Variants in RTN4RL2 observed in about 807,000 individuals in gnomAD.
RTN4RL2 encodes the protein reticulon 4 receptor like 2.
A neutral mutation model predicts 27.8 loss-of-function variants in RTN4RL2; 9 were observed. The observed-to-expected ratio is 0.32, with a 90% confidence interval of 0.20 to 0.57. The LOEUF is 0.57. RTN4RL2 is among the 20% of genes least tolerant of loss of function. The pLI, the probability that RTN4RL2 is intolerant of heterozygous loss-of-function variation, is 0.90. For missense variants in RTN4RL2, 436 were observed against 596.8 expected (o/e 0.73, Z 2.81); for synonymous variants, 285 against 297.9 (o/e 0.96, Z 0.45).
chr11:57,471,811 G>C (rs1417191089), intron 2 of RTN4RL2, among the ~76,000 whole-genome samples: 1 of 152,194 alleles, frequency 6.6e-6, no homozygotes, highest in Non-Finnish European at 1.5e-5. Context: ...TGTTCTCCCA[G>C]AGCATATTCC....
intron 1 of RTN4RL2, among the ~76,000 whole-genome samples, chr11:57,463,463 G>T (rs1038195829): frequency 9.2e-5 from 14 of 152,168 alleles, no homozygotes; most frequent in Non-Finnish European, 1.9e-4. Flanking sequence ...TTCTGAGAAA[G>T]ACAATGAAGG....
Position 57,474,907 on chromosome 11 carries a change from C to A in RTN4RL2, c.514-1255C>A, listed in dbSNP as rs938816296. Among the ~76,000 whole-genome samples the A allele has an allele frequency of 2.0e-5, 3 of 152,188 alleles. No individual in the cohort carries two copies. The South Asian group carries it at 6.2e-4, about 31-fold the overall frequency. ...GATTAGGTGACTCCCTAGCACCAGG[C>A]AGGTGGGACAGCGCCTCTAAGGGGA... On this transcript the variant is annotated intron_variant, in intron 2 of 2. Transcript: ENST00000335099.
intron 2 of RTN4RL2, among the ~76,000 whole-genome samples, chr11:57,471,478 T>A (rs926851950): frequency 6.6e-6 from 1 of 152,178 alleles, no homozygotes; most frequent in African/African-American, 2.4e-5. Context: ...ACACCTGGCC[T>A]TTTATAGAGG....
chr11:57,465,662 C>T (rs1489576656), intron 1 of RTN4RL2, among the ~76,000 whole-genome samples: 2 of 152,084 alleles, frequency 1.3e-5, no homozygotes, highest in South Asian at 2.1e-4. Context: ...AAGCTAGTTC[C>T]GGCCTAGAAC....
rs917809905 is a variant in RTN4RL2, at chr11:57,460,616, G to A, written c.-250G>A. 3.0e-4 allele frequency: 56 copies of A among 188,980 alleles called. No homozygotes were observed. The highest frequency in any genetic ancestry group is 1.3e-3 in the African/African-American group (56 of 42,406). The allele number at this position is 188,980 out of a possible 1,614,324, so 11.7% of individuals were successfully genotyped here. ...GCGCAGCTAGCGGGGCGCGGGCGCTGGGCGTCGACGGCCAGCCCCAGCCTT... is the reference window on the plus strand; with the variant it reads ...GCGCAGCTAGCGGGGCGCGGGCGCTAGGCGTCGACGGCCAGCCCCAGCCTT... On this transcript the variant is annotated 5_prime_UTR_variant, in exon 1 of 3. Transcript: ENST00000335099.
At chr11:57,474,275 A>G (rs538156769) in intron 2 of RTN4RL2, among the ~76,000 whole-genome samples, 2 of 152,234 alleles carry the variant, frequency 1.3e-5, no homozygotes, top group South Asian at 4.2e-4. Context: ...AATGTGGCCA[A>G]GAGGAGGGCT....
intron 1 of RTN4RL2, among the ~76,000 whole-genome samples, chr11:57,462,279 G>A (rs954842911): frequency 2.0e-5 from 3 of 152,054 alleles, no homozygotes; most frequent in Admixed American, 6.6e-5. Context: ...CGTCACCCGC[G>A]TCAGTGCCTC....
chr11:57,461,960 G>C (rs979243799), intron 1 of RTN4RL2, among the ~76,000 whole-genome samples: 1 of 152,002 alleles, frequency 6.6e-6, no homozygotes, highest in Non-Finnish European at 1.5e-5. Flanking sequence ...CCACTTCCAC[G>C]TGGGAAGCCC....
chr11:57,462,347 C>T (rs941553503), intron 1 of RTN4RL2, among the ~76,000 whole-genome samples: 2 of 152,170 alleles, frequency 1.3e-5, no homozygotes, highest in Admixed American at 1.3e-4. Context: ...TCAGCTCCCA[C>T]CTCCTCAGCC....
At chr11:57,468,397 C>T (rs1175665507) in intron 2 of RTN4RL2, among the ~76,000 whole-genome samples, 1 of 152,166 alleles carries the variant, frequency 6.6e-6, no homozygotes, top group Non-Finnish European at 1.5e-5. Flanking sequence ...CCATCCATCA[C>T]TGCCTCTCTC....
Position 57,467,503 on chromosome 11 carries a change from C to T in RTN4RL2, c.32-106C>T, listed in dbSNP as rs1943534733. 4.2e-5 allele frequency: 63 copies of T among 1,508,886 alleles called. No individual in the cohort carries two copies. The highest frequency in any genetic ancestry group is 5.5e-5 in the Non-Finnish European group (63 of 1,136,172). 93.5% of individuals were successfully genotyped at this position (1,508,886 alleles called of 1,614,324 possible). On this transcript the variant is annotated intron_variant, in intron 1 of 2. Coordinates refer to ENST00000335099, the MANE Select transcript of RTN4RL2 (RefSeq NM_178570.3). This position sits in a 1 kb window ranked among gnomAD's most constrained non-coding sequence, Gnocchi z 5.5. ...TGCTGGGATTACAGGTGTGAGCCAC[C>T]ATATTCAGCCGGGTCTAGGCCTTTT...
chr11:57,468,438 C>A, intron 2 of RTN4RL2: 1 of 863,916 alleles, frequency 1.2e-6, no homozygotes, highest in Non-Finnish European at 1.8e-6. Context: ...TGTCTTCTGC[C>A]TCTTCTGTCT....
At chr11:57,464,624 G>T (rs1943508455) in intron 1 of RTN4RL2, among the ~76,000 whole-genome samples, 1 of 152,190 alleles carries the variant, frequency 6.6e-6, no homozygotes, top group Non-Finnish European at 1.5e-5. Flanking sequence ...GTGTGACCTT[G>T]GGTAAGTCGC....
intron 1 of RTN4RL2, 38 bp downstream of exon 1, chr11:57,460,934 G>A (rs1185081541): frequency 7.5e-7 from 1 of 1,329,896 alleles, no homozygotes; most frequent in Non-Finnish European, 9.8e-7. Flanking sequence ...AGGGCATCCT[G>A]GGGAGAGAAG....
intron 1 of RTN4RL2, among the ~76,000 whole-genome samples, chr11:57,461,534 C>A (rs1943485526): frequency 7.1e-6 from 1 of 140,924 alleles, no homozygotes; most frequent in African/African-American, 2.7e-5. Flanking sequence ...GGAGATGGAG[C>A]GGGGGAGGGG....
chr11:57,460,781 G>A lies in RTN4RL2; in HGVS notation c.-85G>A, dbSNP rs1337786680. On this transcript the variant is annotated 5_prime_UTR_variant, in exon 1 of 3. Coordinates refer to ENST00000335099, the MANE Select transcript of RTN4RL2 (RefSeq NM_178570.3). ...CCCGGGCCCTCCCGGAGCCCCGCGG[G>A]GTCCCCGCCGTGCATCCGGCGGGCT... is the stretch of plus-strand genomic sequence containing the variant. 1.4e-6 allele frequency: 1 copy of A among 706,056 alleles called. No individual in the cohort carries two copies. Among genetic ancestry groups the A allele is most frequent in the Non-Finnish European group, 2.2e-6 (1 of 463,080 alleles). The allele number at this position is 706,056 out of a possible 1,614,324, so 43.7% of individuals were successfully genotyped here. A position where few individuals can be genotyped will look rare whatever the true frequency, so the allele number is the denominator to read the frequency against.
At chr11:57,469,604 A>T (rs768565683) in intron 2 of RTN4RL2, among the ~76,000 whole-genome samples, 3 of 152,210 alleles carry the variant, frequency 2.0e-5, no homozygotes, top group Non-Finnish European at 4.4e-5. Flanking sequence ...TGCTATATAA[A>T]TGCTTGTTAA....
At position 57,460,704 on chromosome 11, in the gene RTN4RL2, C is replaced by T; in HGVS notation, c.-162C>T. On this transcript the variant is annotated 5_prime_UTR_variant, in exon 1 of 3. Coordinates refer to ENST00000335099, the MANE Select transcript of RTN4RL2 (RefSeq NM_178570.3). ...CGATGGCTCCTCCCGAGGCCCGCAGCCCGGGCGGCGCAGGGTAGAGCGCCG... is the reference window on the plus strand; with the variant it reads ...CGATGGCTCCTCCCGAGGCCCGCAGTCCGGGCGGCGCAGGGTAGAGCGCCG... The T allele has an allele frequency of 3.0e-6, 1 of 332,388 alleles. No homozygotes were observed. The allele number at this position is 332,388 out of a possible 1,614,324, so 20.6% of individuals were successfully genotyped here.
At chr11:57,465,642 T>G (rs888445986) in intron 1 of RTN4RL2, among the ~76,000 whole-genome samples, 1 of 151,776 alleles carries the variant, frequency 6.6e-6, no homozygotes, top group Non-Finnish European at 1.5e-5. Context: ...CATAAGAAAG[T>G]GTAGAGGTCA....
Sources: allele counts gnomAD v4.1 joint callset (sites outside exome capture counted in the v4.1 genomes callset), GRCh38; gene constraint gnomAD v4.1.1; non-coding constraint Gnocchi (gnomAD v3.1); transcripts MANE v1.5; gene names NCBI Gene and HGNC (gene_info 2026-07-23, HGNC 2026-07-21).